The following AGBL1 variants were observed in gnomAD, a reference collection of about 807,000 sequenced individuals.
AGBL1 encodes the protein AGBL carboxypeptidase 1, also known as cytosolic carboxypeptidase 4.
A neutral mutation model predicts 118.9 loss-of-function variants in AGBL1; 130 were observed. That is an observed-to-expected ratio of 1.09 (90% confidence interval 0.95 to 1.26). The LOEUF is 1.26. Among genes scored for constraint, AGBL1 ranks in the 50% most tolerant of loss-of-function variants. The pLI is 0.00. For synonymous variants in AGBL1, 555 were observed against 478.9 expected (o/e 1.16, Z -2.08); for missense variants, 1,584 against 1,298.1 (o/e 1.22, Z -3.38).
chr15:86,420,337 T>A (rs1596091996), intron 18 of AGBL1, among the ~76,000 whole-genome samples: 3 of 152,184 alleles, frequency 2.0e-5, no homozygotes, highest in Middle Eastern at 3.4e-3. Flanking sequence ...ATCTGGAGTG[T>A]ACCTCCAGCA....
intron 22 of AGBL1, among the ~76,000 whole-genome samples, chr15:86,743,958 T>G (rs2077718553): frequency 6.6e-6 from 1 of 152,060 alleles, no homozygotes; most frequent in Non-Finnish European, 1.5e-5. Context: ...AAAAGATAAC[T>G]TAGAAGTAAA....
chr15:86,427,233 T>G (rs1040975139), intron 18 of AGBL1, among the ~76,000 whole-genome samples: 2 of 152,328 alleles, frequency 1.3e-5, no homozygotes, highest in Admixed American at 1.3e-4. Context: ...GTTTGTGAAA[T>G]GAAATTATAA....
At chr15:86,801,389 T>C (rs142272513) in intron 22 of AGBL1, among the ~76,000 whole-genome samples, 1,904 of 151,950 alleles carry the variant, frequency 0.013, 26 homozygotes, top group Middle Eastern at 0.061. Context: ...CTCAGAAACT[T>C]ACTCATCCCA....
chr15:86,140,057 C>CT (rs1016231003), intron 1 of AGBL1: 1 of 189,664 alleles, frequency 5.3e-6, no homozygotes, highest in African/African-American at 2.3e-5. Flanking sequence ...GACAGCGCCC[C>CT]TGGTGGTCAG....
intron 23 of AGBL1, among the ~76,000 whole-genome samples, chr15:86,973,913 C>T (rs993977015): frequency 9.3e-5 from 13 of 139,844 alleles, no homozygotes; most frequent in Non-Finnish European, 1.2e-4. Flanking sequence ...TAAATATAAA[C>T]ATATTTAATA....
intron 24 of AGBL1, among the ~76,000 whole-genome samples, chr15:87,014,582 A>G (rs761103459): frequency 3.3e-5 from 5 of 152,174 alleles, no homozygotes; most frequent in Admixed American, 6.6e-5. Context: ...TATTATGATT[A>G]CCTCTTAAGA....
chr15:86,863,686 T>A lies in AGBL1; in HGVS notation c.3159-43401T>A, dbSNP rs545101948. On this transcript the variant is annotated intron_variant, in intron 22 of 22. Coordinates refer to ENST00000614907, the MANE Select transcript of AGBL1 (RefSeq NM_001386094.1). ...GGACTTTCCCTGTGAGTAGCAAGCATTTCATATTGTAAATGTTGGAACATT... is the reference window on the plus strand; with the variant it reads ...GGACTTTCCCTGTGAGTAGCAAGCAATTCATATTGTAAATGTTGGAACATT... 3.3e-5 allele frequency among the ~76,000 whole-genome samples: 5 copies of A among 152,286 alleles called. No individual in the cohort carries two copies. In the East Asian group the frequency reaches 5.8e-4, roughly 18 times the overall value.
intron 18 of AGBL1, among the ~76,000 whole-genome samples, chr15:86,483,518 G>A (rs1272213827): frequency 1.3e-5 from 2 of 152,090 alleles, no homozygotes; most frequent in African/African-American, 2.4e-5. Flanking sequence ...CTCATATTCT[G>A]AGGTTTCTCT....
intron 22 of AGBL1, among the ~76,000 whole-genome samples, chr15:86,837,537 T>C (rs917278476): frequency 6.6e-6 from 1 of 152,200 alleles, no homozygotes; most frequent in Non-Finnish European, 1.5e-5. Flanking sequence ...GCGACAGAGA[T>C]GGTATAACCC....
intron 21 of AGBL1, among the ~76,000 whole-genome samples, chr15:86,650,063 G>A (rs963812047): frequency 6.6e-6 from 1 of 152,148 alleles, no homozygotes; most frequent in Admixed American, 6.6e-5. Context: ...TGTAAAAATA[G>A]TCTAGTTTCT....
chr15:86,548,574 G>C (rs1272054159), intron 20 of AGBL1, among the ~76,000 whole-genome samples: 1 of 151,900 alleles, frequency 6.6e-6, no homozygotes, highest in African/African-American at 2.4e-5. Context: ...TAACCTTCTT[G>C]ACTGGGGCTG....
At chr15:86,515,003 C>G (rs111491516) in intron 18 of AGBL1, among the ~76,000 whole-genome samples, 6 of 152,210 alleles carry the variant, frequency 3.9e-5, no homozygotes, top group Middle Eastern at 3.4e-3. Context: ...CATTTTGTGA[C>G]GGCACCAAAT....
chr15:86,310,026 G>A (rs2079896145), intron 17 of AGBL1, among the ~76,000 whole-genome samples: 1 of 152,146 alleles, frequency 6.6e-6, no homozygotes, highest in African/African-American at 2.4e-5. Flanking sequence ...TAAATACTTG[G>A]TAGAATTTAC....
At chr15:86,351,118 C>G (rs1025987353) in intron 17 of AGBL1, among the ~76,000 whole-genome samples, 28 of 152,080 alleles carry the variant, frequency 1.8e-4, no homozygotes, top group African/African-American at 5.8e-4. Flanking sequence ...TTATAATAAA[C>G]AGAAATTTAT....
At chr15:87,015,155 G>T (rs184464093) in intron 24 of AGBL1, among the ~76,000 whole-genome samples, 16 of 152,204 alleles carry the variant, frequency 1.1e-4, no homozygotes, top group Non-Finnish European at 2.4e-4. Context: ...TCTGAAACCT[G>T]CACCTTTAGC....
rs535994283 is a variant in AGBL1, at chr15:86,904,937, A to G, written c.3159-2150A>G. ...AGTATAAAATAAACATAAATCTGAC[A>G]GAGGCATGGGCCTTATTGACAATAA... On this transcript the variant is annotated intron_variant, in intron 22 of 22. Transcript: ENST00000614907. Among the ~76,000 whole-genome samples the G allele has an allele frequency of 1.1e-4, 17 of 152,272 alleles. No homozygotes were observed. In the South Asian group the frequency reaches 1.9e-3, roughly 17 times the overall value.
At chr15:86,996,211 G>A (rs1261661505) in intron 24 of AGBL1, among the ~76,000 whole-genome samples, 1 of 152,050 alleles carries the variant, frequency 6.6e-6, no homozygotes, top group Admixed American at 6.6e-5. Flanking sequence ...CATATTGTGA[G>A]GCTATAACTT....
At chr15:86,332,645 CAAA>C (rs60036454) in intron 17 of AGBL1, among the ~76,000 whole-genome samples, 19 of 88,994 alleles carry the variant, frequency 2.1e-4, no homozygotes, top group African/African-American at 8.6e-5. Flanking sequence ...GACTCCATCT[CAAA>C]AAAAAAAAAA....
intron 22 of AGBL1, among the ~76,000 whole-genome samples, chr15:86,870,454 C>CAAAAAAAAAAAAAAAAAAAAACAA (rs2079706000): frequency 1.6e-5 from 1 of 64,130 alleles, no homozygotes; most frequent in Non-Finnish European, 2.8e-5. Context: ...AAGCATACTG[C>CAAAAAAAAAAAAAAAAAAAAACAA]AAAAAAAAAA....
Sources: allele counts gnomAD v4.1 joint callset (sites outside exome capture counted in the v4.1 genomes callset), GRCh38; gene constraint gnomAD v4.1.1; transcripts MANE v1.5; gene names NCBI Gene and HGNC (gene_info 2026-07-23, HGNC 2026-07-21).